SPECC1L: variants seen among roughly 807,000 people sequenced by gnomAD.
The protein encoded by SPECC1L is cytospin-A.
In SPECC1L, 40 loss-of-function variants were observed where a neutral mutation model predicts 116.8. The observed-to-expected ratio is 0.34, with a 90% confidence interval of 0.27 to 0.45. The LOEUF (loss-of-function observed/expected upper bound fraction) is 0.45, where lower values mean the gene tolerates loss of function less well. Among genes scored for constraint, SPECC1L ranks in the 20% least tolerant of loss-of-function variants. The pLI, the probability that SPECC1L is intolerant of heterozygous loss-of-function variation, is 1.00. For missense variants in SPECC1L, 1,110 were observed against 1,373.6 expected, an observed-to-expected ratio of 0.81 and a Z score of 3.03; for synonymous variants, 504 against 500.6, an observed-to-expected ratio of 1.01 and a Z score of -0.09.
At chr22:24,360,715 C>G (rs930484815) in intron 11 of SPECC1L, among the ~76,000 whole-genome samples, 2 of 152,164 alleles carry the variant, frequency 1.3e-5, no homozygotes, top group Admixed American at 6.5e-5. Context: ...TTTTCACTTT[C>G]TTAGCTTGCT....
At chr22:24,381,165 T>G (rs1339597080) in intron 14 of SPECC1L, among the ~76,000 whole-genome samples, 1 of 152,228 alleles carries the variant, frequency 6.6e-6, no homozygotes, top group Non-Finnish European at 1.5e-5. Flanking sequence ...TAAGAGCTTG[T>G]GTTGCATCAC....
chr22:24,392,233 CAG>C (rs1424221284), intron 14 of SPECC1L, among the ~76,000 whole-genome samples: 1 of 152,178 alleles, frequency 6.6e-6, no homozygotes, highest in Non-Finnish European at 1.5e-5. Context: ...TGCTGAGAAA[CAG>C]AAATCAGATA....
intron 3 of SPECC1L, among the ~76,000 whole-genome samples, chr22:24,307,292 C>T (rs1377442987): frequency 1.3e-5 from 2 of 152,184 alleles, no homozygotes; most frequent in Non-Finnish European, 2.9e-5. Context: ...TTTTTCGCGT[C>T]CTCTGCAATA....
chr22:24,367,772 C>T (rs1256676102), intron 13 of SPECC1L, among the ~76,000 whole-genome samples: 1 of 152,134 alleles, frequency 6.6e-6, no homozygotes, highest in Non-Finnish European at 1.5e-5. Context: ...TCAATACTAA[C>T]AGAATAAATA....
chr22:24,411,925 T>C (rs1374151702), intron 15 of SPECC1L, among the ~76,000 whole-genome samples: 2 of 152,232 alleles, frequency 1.3e-5, no homozygotes, highest in East Asian at 1.9e-4. Flanking sequence ...CCAAGTGATA[T>C]CATTCCTAGT....
In SPECC1L at chr22:24,343,172, C is replaced by T. The variant is rs192141178; in HGVS notation, c.2653-3914C>T. Among the ~76,000 whole-genome samples, 430 of 152,046 alleles carry T rather than the reference C, an allele frequency of 2.8e-3. 2 individuals are homozygous for T. The highest frequency in any genetic ancestry group is 2.7e-3 in the Non-Finnish European group (181 of 67,964). ...TCGCACCACTGCACTCCAGCCTGGGCGACACAGGGAGACTCCATCTTAAAA... is the reference window on the plus strand; with the variant it reads ...TCGCACCACTGCACTCCAGCCTGGGTGACACAGGGAGACTCCATCTTAAAA... On this transcript the variant is annotated intron_variant, in intron 10 of 16. Transcript: ENST00000314328.
rs79138087 is a variant in SPECC1L, at chr22:24,337,957, CAAGCAG to C, written c.2561-422_2561-417del. ...CTCTGCAGGAGGAATTGAGGAAAGACAAGCAGAAGCAGGAGTTCCTCATTCTTTTGT... is the reference window on the plus strand; with the variant it reads ...CTCTGCAGGAGGAATTGAGGAAAGACAAGCAGGAGTTCCTCATTCTTTTGT... On this transcript the variant is annotated intron_variant, in intron 9 of 16. Transcript: ENST00000314328. 7.8e-3 allele frequency among the ~76,000 whole-genome samples: 1,186 copies of C among 152,218 alleles called. 9 individuals are homozygous for C. The highest frequency in any genetic ancestry group is 0.024 in the South Asian group (115 of 4,814).
chr22:24,281,316 T>C (rs1359701160), intron 2 of SPECC1L, among the ~76,000 whole-genome samples: 3 of 152,230 alleles, frequency 2.0e-5, no homozygotes, highest in African/African-American at 7.2e-5. Flanking sequence ...TTCTGTGTTT[T>C]AGAATCAACT....
intron 11 of SPECC1L, among the ~76,000 whole-genome samples, chr22:24,356,094 CT>C (rs980845274): frequency 6.6e-6 from 1 of 151,250 alleles, no homozygotes; most frequent in African/African-American, 2.4e-5. Context: ...CAGCATACAG[CT>C]TTTTTTTTAA....
intron 14 of SPECC1L, among the ~76,000 whole-genome samples, chr22:24,369,874 A>G (rs1186235882): frequency 6.6e-6 from 1 of 152,220 alleles, no homozygotes; most frequent in Non-Finnish European, 1.5e-5. Context: ...CTAATTCTCC[A>G]TACAAAAGGG....
chr22:24,414,787 C>G lies in SPECC1L; in HGVS notation c.*164C>G. On this transcript the variant is annotated 3_prime_UTR_variant, in exon 17 of 17. Transcript: ENST00000314328. The stretch of plus-strand genomic sequence containing the variant: ...GGCTTCCGTATTGGAAGAACTCAGC[C>G]GTGTGGCCCACAGCTCCCACCAGGG... The G allele has an allele frequency of 1.5e-6, 1 of 657,570 alleles. No homozygotes were observed. The highest frequency in any genetic ancestry group is 1.7e-5 in the South Asian group (1 of 59,098). The allele number at this position is 657,570 out of a possible 1,614,324, so 40.7% of individuals were successfully genotyped here.
chr22:24,321,753 A>G lies in SPECC1L; in HGVS notation c.773A>G (p.Asn258Ser), dbSNP rs781576686. ...AATACTGCCATCCGTGAAGAACTCA[A>G]CCAGCTGAAAAATGAAAACAGAATG... ...EQNTAIREEL[N>S]QLKNENRMLK... Residue 258 changes from asparagine (N) to serine (S), a missense_variant, in exon 5 of 17, where the codon AAC becomes AGC. By Grantham distance (46) the Asn-to-Ser change is conservative (BLOSUM62 1). Around this residue, in one of 4 missense-constraint regions of SPECC1L, gnomAD observed 437 missense variants for 482.6 expected, o/e 0.91. Coordinates refer to ENST00000314328, the MANE Select transcript of SPECC1L (RefSeq NM_015330.6). The G allele has an allele frequency of 1.2e-6, 2 of 1,614,240 alleles. No homozygotes were observed. Among genetic ancestry groups the G allele is most frequent in the Non-Finnish European group, 8.5e-7 (1 of 1,180,044 alleles).
chr22:24,405,571 A>G, intron 14 of SPECC1L, among the ~76,000 whole-genome samples: 1 of 152,140 alleles, frequency 6.6e-6, no homozygotes, highest in Non-Finnish European at 1.5e-5. Context: ...TGGGCACGGT[A>G]GCTCACACCT....
intron 16 of SPECC1L, among the ~76,000 whole-genome samples, chr22:24,413,811 C>T (rs968710600): frequency 2.6e-5 from 4 of 152,188 alleles, no homozygotes; most frequent in African/African-American, 9.7e-5. Context: ...CCAAGGGCGC[C>T]CTCCTGATCC....
At chr22:24,302,536 C>T in intron 3 of SPECC1L, 152 bp downstream of exon 3, 1 of 979,000 alleles carries the variant, frequency 1.0e-6, no homozygotes, top group Non-Finnish European at 1.6e-6. Context: ...TGGGGTGGAC[C>T]TAATTGCTGT....
intron 14 of SPECC1L, among the ~76,000 whole-genome samples, chr22:24,409,846 G>A (rs1039209122): frequency 7.2e-5 from 11 of 152,148 alleles, no homozygotes; most frequent in East Asian, 5.8e-4. Context: ...GCGACATAGC[G>A]AAACCTCATC....
chr22:24,399,579 C>CA (rs553159232), intron 14 of SPECC1L, among the ~76,000 whole-genome samples: 202 of 147,492 alleles, frequency 1.4e-3, no homozygotes, highest in African/African-American at 4.3e-3. Context: ...TCAAAAAAAA[C>CA]AAAAAAAAAA....
rs115366154 is a variant in SPECC1L at position 24,298,863 on chromosome 22, G to A, written c.-37-3332G>A. ...TCCAGAAACACCCTCACAGAAACAC[G>A]CAGAATAATATTTGACCAAATGTCT... On this transcript the variant is annotated intron_variant, in intron 2 of 16. Coordinates refer to ENST00000314328, the MANE Select transcript of SPECC1L (RefSeq NM_015330.6). Among the ~76,000 whole-genome samples, 1,155 of 152,268 alleles carry A rather than the reference G, an allele frequency of 7.6e-3. 12 individuals are homozygous for A. Among genetic ancestry groups the A allele is most frequent in the African/African-American group, 0.026 (1,083 of 41,534 alleles).
At chr22:24,318,006 C>T (rs1201735970) in intron 4 of SPECC1L, among the ~76,000 whole-genome samples, 21 of 150,940 alleles carry the variant, frequency 1.4e-4, no homozygotes, top group Non-Finnish European at 2.2e-4. Context: ...GATGGGATGG[C>T]GGCTGGGCAG....
Sources: gnomAD v4.1 joint callset for allele counts (sites outside exome capture counted in the v4.1 genomes callset) on GRCh38, gnomAD v4.1.1 for gene constraint, gnomAD v4.1.1 regional missense constraint, MANE v1.5 for transcripts, NCBI Gene and HGNC (gene_info 2026-07-23, HGNC 2026-07-21) for gene names.